Variants in ADCY3 observed in about 807,000 individuals in gnomAD.
ADCY3 encodes adenylate cyclase type 3.
In ADCY3, 70 loss-of-function variants were observed where a neutral mutation model predicts 119.4. The observed-to-expected ratio is 0.59, with a 90% CI of 0.48 to 0.72. The LOEUF (loss-of-function observed/expected upper bound fraction) is 0.72. Among genes scored for constraint, ADCY3 ranks in the 30% least tolerant of loss-of-function variants. ADCY3 has a pLI of 0.00. For missense variants in ADCY3, 1,238 were observed against 1,541.6 expected, an observed-to-expected ratio of 0.80 and a Z score of 3.30; for synonymous variants, 672 against 621.4, an observed-to-expected ratio of 1.08 and a Z score of -1.21.
intron 3 of ADCY3, among the ~76,000 whole-genome samples, chr2:24,867,583 G>A (rs940525804): frequency 6.6e-6 from 1 of 152,188 alleles, no homozygotes; most frequent in Non-Finnish European, 1.5e-5. Context: ...GTATTCTGTT[G>A]TAGCAGCACA....
chr2:24,899,210 G>A lies in ADCY3; in HGVS notation c.675+19103C>T, dbSNP rs1212507405. On this transcript the variant is annotated intron_variant, in intron 2 of 21. Coordinates refer to ENST00000679454, the MANE Select transcript of ADCY3 (RefSeq NM_004036.5). This position sits in a 1 kb window ranked among gnomAD's most constrained non-coding sequence, Gnocchi z 4.5. ...AGGGAGGTCAGCTGCGCTGCCCAGG[G>A]CCCCAGGCATCCAACTCTGGGCCAC... 6.6e-6 allele frequency among the ~76,000 whole-genome samples: 1 copy of A among 152,138 alleles called. No individual in the cohort carries two copies. The highest frequency in any genetic ancestry group is 1.5e-5 in the Non-Finnish European group (1 of 68,020).
chr2:24,852,981 T>G (rs1030946066), intron 3 of ADCY3, among the ~76,000 whole-genome samples: 1 of 148,384 alleles, frequency 6.7e-6, no homozygotes, highest in Non-Finnish European at 1.5e-5. Flanking sequence ...AGGAACAAGA[T>G]TTGAAGGAAA....
rs1215592353 is a variant in ADCY3 at position 24,865,486 on chromosome 2, CA to C, written c.825+7083del. On this transcript the variant is annotated intron_variant, in intron 3 of 21. Coordinates refer to ENST00000679454, the MANE Select transcript of ADCY3 (RefSeq NM_004036.5). ...TAGTACAAAAGAGTGAATAGGCTAT[CA>C]TCTGTGTGTGTGTGTGTGTGTGTGT... Among the ~76,000 whole-genome samples, 87 of 112,926 alleles carry C rather than the reference CA, an allele frequency of 7.7e-4. 1 individual carries two copies. Among genetic ancestry groups the C allele is most frequent in the Middle Eastern group, 4.1e-3 (1 of 244 alleles). The allele number at this position is 112,926 out of a possible 152,430, so 74.1% of individuals were successfully genotyped here. A position where few individuals can be genotyped will look rare whatever the true frequency, so the allele number is the denominator to read the frequency against.
At chr2:24,864,173 C>A (rs1674013516) in intron 3 of ADCY3, among the ~76,000 whole-genome samples, 1 of 152,096 alleles carries the variant, frequency 6.6e-6, no homozygotes, top group South Asian at 2.1e-4. Context: ...ACCTGTAATC[C>A]CAGCTACTCG....
At chr2:24,854,066 A>G (rs1206864993) in intron 3 of ADCY3, among the ~76,000 whole-genome samples, 1 of 152,120 alleles carries the variant, frequency 6.6e-6, no homozygotes, top group African/African-American at 2.4e-5. Context: ...CCAGGACTGC[A>G]CCTGTTCAGG....
chr2:24,841,442 G>A lies in ADCY3; in HGVS notation c.1069-56C>T. On this transcript the variant is annotated intron_variant, in intron 5 of 21. Transcript: ENST00000679454. This position sits in a 1 kb window ranked among gnomAD's most constrained non-coding sequence, Gnocchi z 5.8. ...GCCCCTCCTCAGTGAGGGAGGAGTG[G>A]CCAAGAAAGCAGAGGAAGGACAGTG... 6.3e-7 allele frequency: 1 copy of A among 1,599,644 alleles called. No homozygotes were observed. Among genetic ancestry groups the A allele is most frequent in the Non-Finnish European group, 8.5e-7 (1 of 1,172,026 alleles).
chr2:24,838,783 C>T (rs1558432915), intron 7 of ADCY3, 161 bp from the exon 8 acceptor site: 1 of 1,593,936 alleles, frequency 6.3e-7, no homozygotes, highest in Non-Finnish European at 8.6e-7. Flanking sequence ...CACTAACTAG[C>T]TGTGTGGGCC....
intron 6 of ADCY3, chr2:24,840,535 G>A (rs796749355): frequency 1.1e-5 from 5 of 468,356 alleles, no homozygotes; most frequent in African/African-American, 1.0e-4. Context: ...CTGGAAGATG[G>A]TAAAAATGCA....
At position 24,920,140 on chromosome 2, in the gene ADCY3, C is replaced by T. The variant is rs1362051000; in HGVS notation, c.-655G>A. ...CCGGGGAAGCCCGCCAGCATCCTCT[C>T]GCCCGCCCGCGCCGAGCCGAGCCAG... On this transcript the variant is annotated 5_prime_UTR_variant, in exon 1 of 22. Coordinates refer to ENST00000679454, the MANE Select transcript of ADCY3 (RefSeq NM_004036.5). This position sits in a 1 kb window ranked among gnomAD's most constrained non-coding sequence, Gnocchi z 4.5. Among the ~76,000 whole-genome samples the T allele has an allele frequency of 6.8e-6, 1 of 146,220 alleles. No homozygotes were observed. The highest frequency in any genetic ancestry group is 2.0e-4 in the East Asian group (1 of 5,048).
intron 2 of ADCY3, among the ~76,000 whole-genome samples, chr2:24,908,221 G>A (rs1041494518): frequency 6.6e-6 from 1 of 152,064 alleles, no homozygotes; most frequent in African/African-American, 2.4e-5. Flanking sequence ...ACTCGGGAAG[G>A]CTGAGGCAGG....
chr2:24,851,703 T>C (rs995834360), intron 3 of ADCY3, among the ~76,000 whole-genome samples: 4 of 152,164 alleles, frequency 2.6e-5, no homozygotes, highest in African/African-American at 7.2e-5. Context: ...TTCTTTTAAA[T>C]AAACATAGAA....
chr2:24,912,066 C>A (rs1663756508), intron 2 of ADCY3, among the ~76,000 whole-genome samples: 1 of 152,198 alleles, frequency 6.6e-6, no homozygotes. Context: ...ACACAGCCAC[C>A]TCCTCACTGT....
rs6706316 is a variant in ADCY3, at chr2:24,905,482, C to T, written c.675+12831G>A. Among the ~76,000 whole-genome samples, 359 of 152,146 alleles carry T rather than the reference C, an allele frequency of 2.4e-3. 1 individual carries two copies. Among genetic ancestry groups the T allele is most frequent in the African/African-American group, 8.5e-3 (351 of 41,498 alleles). On this transcript the variant is annotated intron_variant, in intron 2 of 21. Transcript: ENST00000679454. ...AATTGTCTAGGAAAGTTGAATATGG[C>T]TATTTATTAAACAGGGGCTGAGGGT...
At chr2:24,888,638 T>C (rs1677338183) in intron 2 of ADCY3, among the ~76,000 whole-genome samples, 1 of 152,256 alleles carries the variant, frequency 6.6e-6, no homozygotes, top group East Asian at 1.9e-4. Flanking sequence ...CTCTGCAACC[T>C]TCTCACATGG....
Position 24,834,393 on chromosome 2 carries a change from T to C in ADCY3, c.1967+92A>G. 2 of 1,439,618 alleles carry C rather than the reference T, an allele frequency of 1.4e-6. No individual in the cohort carries two copies. Among genetic ancestry groups the C allele is most frequent in the Non-Finnish European group, 1.9e-6 (2 of 1,075,526 alleles). The allele number at this position is 1,439,618 out of a possible 1,614,324, so 89.2% of individuals were successfully genotyped here. ...GAGCAGAGACTGGCTTGCTCCCCAA[T>C]GTCAGGCTCCCGCTGAGACACCTGC... On this transcript the variant is annotated intron_variant, in intron 11 of 21. Transcript: ENST00000679454. This position sits in a 1 kb window ranked among gnomAD's most constrained non-coding sequence, Gnocchi z 4.2.
chr2:24,897,707 G>A (rs983876154), intron 2 of ADCY3, among the ~76,000 whole-genome samples: 4 of 152,082 alleles, frequency 2.6e-5, no homozygotes, highest in African/African-American at 9.7e-5. Context: ...ACACTCACAC[G>A]GGAAGTTCAG....
intron 2 of ADCY3, among the ~76,000 whole-genome samples, chr2:24,905,610 G>A (rs917693370): frequency 2.4e-4 from 36 of 152,316 alleles, no homozygotes; most frequent in African/African-American, 8.4e-4. Flanking sequence ...GGCAGGGCTT[G>A]AAGCCACCAG....
At chr2:24,908,158 C>T (rs928328526) in intron 2 of ADCY3, among the ~76,000 whole-genome samples, 1 of 152,006 alleles carries the variant, frequency 6.6e-6, no homozygotes, top group Non-Finnish European at 1.5e-5. Context: ...CCCATCTCTA[C>T]TAAAAATGCA....
chr2:24,855,228 G>T (rs1315005893), intron 3 of ADCY3, among the ~76,000 whole-genome samples: 1 of 150,882 alleles, frequency 6.6e-6, no homozygotes, highest in Non-Finnish European at 1.5e-5. Flanking sequence ...CTGTCTTTAA[G>T]TCTGAGGAAA....
Sources: allele counts gnomAD v4.1 joint callset (sites outside exome capture counted in the v4.1 genomes callset), GRCh38; gene constraint gnomAD v4.1.1; non-coding constraint Gnocchi (gnomAD v3.1); transcripts MANE v1.5; gene names NCBI Gene and HGNC (gene_info 2026-07-23, HGNC 2026-07-21).